The following ZAN variants were observed in gnomAD, a reference collection of about 807,000 sequenced individuals.
ZAN encodes zonadhesin.
In ZAN, 260 loss-of-function variants were observed where a neutral mutation model predicts 286.2. The observed-to-expected ratio is 0.91, with a 90% CI of 0.82 to 1.01. The LOEUF (loss-of-function observed/expected upper bound fraction) is 1.01. Ranked by LOEUF, ZAN falls within the 50% of genes least tolerant of loss-of-function variation. ZAN has a pLI of 0.00. For missense variants in ZAN, 3,410 were observed against 3,639.2 expected (o/e 0.94, Z 1.62); for synonymous variants, 1,368 against 1,417.5 (o/e 0.97, Z 0.79).
At chr7:100,756,382 T>C (rs1159977585) in intron 15 of ZAN, among the ~76,000 whole-genome samples, 12 of 151,894 alleles carry the variant, frequency 7.9e-5, no homozygotes, top group Non-Finnish European at 1.8e-4. Flanking sequence ...TGAGCTATGA[T>C]TGTGCCACTG....
Position 100,775,444 on chromosome 7 carries a change from G to C in ZAN, c.5896G>C (p.Ala1966Pro), listed in dbSNP as rs1460248570. ...VLVKVCHPAMALPFFKISAKH... is the reference protein window; with the variant it reads ...VLVKVCHPAMPLPFFKISAKH... The stretch of plus-strand genomic sequence containing the variant: ...GGTGAAAGTGTGCCACCCCGCCATG[G>C]CCTTGCCCTTCTTCAAGATCAGTGC... Residue 1966 changes from alanine to proline, a missense_variant, in exon 32 of 48, where the codon GCC becomes CCC. Coordinates refer to ENST00000613979, the MANE Select transcript of ZAN (RefSeq NM_003386.3). 1 of 1,613,788 alleles carries C rather than the reference G, an allele frequency of 6.2e-7. No homozygotes were observed. Among genetic ancestry groups the C allele is most frequent in the Non-Finnish European group, 8.5e-7 (1 of 1,179,896 alleles).
At chr7:100,781,813 T>C (rs890229501) in intron 35 of ZAN, among the ~76,000 whole-genome samples, 2 of 152,056 alleles carry the variant, frequency 1.3e-5, no homozygotes, top group African/African-American at 2.4e-5. Context: ...CTAATTTTTG[T>C]ATTTTTAGTA....
At chr7:100,760,581 C>T in intron 19 of ZAN, 45 bp downstream of exon 19, 2 of 1,602,148 alleles carry the variant, frequency 1.2e-6, no homozygotes, top group South Asian at 1.1e-5. Flanking sequence ...CTTCCTGCTG[C>T]CTCTTCCTGC....
In ZAN at chr7:100,734,281, T is replaced by C. The variant is rs1271248406; in HGVS notation, c.53+60T>C. The C allele has an allele frequency of 2.5e-5, 30 of 1,194,976 alleles. 4 individuals are homozygous for C. The Admixed American group carries it at 3.8e-4, about 15-fold the overall frequency. The allele number at this position is 1,194,976 out of a possible 1,614,324, so 74.0% of individuals were successfully genotyped here. A position where few individuals can be genotyped will look rare whatever the true frequency, so the allele number is the denominator to read the frequency against. On this transcript the variant is annotated intron_variant, in intron 2 of 47. Transcript: ENST00000613979. ...GTCAGCTGAGGGTGGCTGTAAGGAA[T>C]ATGGAAGGACAGAGCTGGAGGGGGC...
Position 100,767,182 on chromosome 7 carries a change from G to T in ZAN, c.4785G>T (p.Glu1595Asp). The T allele has an allele frequency of 6.2e-7, 1 of 1,613,702 alleles. No individual in the cohort carries two copies. Among genetic ancestry groups the T allele is most frequent in the Non-Finnish European group, 8.5e-7 (1 of 1,179,868 alleles). Residue 1595 changes from glutamate (E) to aspartate (D), a missense_variant, in exon 25 of 48, where the codon GAG becomes GAT. Transcript: ENST00000613979. The stretch of plus-strand genomic sequence containing the variant: ...ACGAGAACCGCGGGGGGATCCTGGA[G>T]GTCTCCTACATCAAAGCCGTCCACG... ...ATNENRGGIL[E>D]VSYIKAVHVT...
chr7:100,787,147 C>A (rs1001646113), intron 37 of ZAN, among the ~76,000 whole-genome samples: 1 of 151,528 alleles, frequency 6.6e-6, no homozygotes, highest in Non-Finnish European at 1.5e-5. Flanking sequence ...AGGTACCGGG[C>A]TTGGTGGCTT....
chr7:100,784,855 G>C, intron 36 of ZAN, 21 bp downstream of exon 36: 3 of 1,563,336 alleles, frequency 1.9e-6, no homozygotes, highest in Non-Finnish European at 2.6e-6. Context: ...ATGGGAAATG[G>C]GACTGGAGGC....
chr7:100,769,009 C>T (rs1489974519), intron 27 of ZAN, among the ~76,000 whole-genome samples: 1 of 152,108 alleles, frequency 6.6e-6, no homozygotes, highest in African/African-American at 2.4e-5. Flanking sequence ...CTTCCTGCTG[C>T]ATCTCCTTGC....
Position 100,760,457 on chromosome 7 carries a change from C to A in ZAN, c.3763C>A (p.Arg1255=). 1 of 1,613,902 alleles carries A rather than the reference C, an allele frequency of 6.2e-7. No individual in the cohort carries two copies. The highest frequency in any genetic ancestry group is 1.7e-5 in the Admixed American group (1 of 59,992). ...AGGCGTCTTCCTGGGTGCAAGCGGG[C>A]GGTTTGTGGAGCTGCAGACGGAGTT... ...SKGVFLGASG[R]FVELQTEFGL... is the part of the protein sequence containing the mutation. Residue 1255 remains arginine (R), a synonymous_variant, in exon 19 of 48, where the codon CGG becomes AGG. Transcript: ENST00000613979.
Position 100,742,609 on chromosome 7 carries a change from AATCCCGGCACCTCGGG to A in ZAN, c.767-3927_767-3912del, listed in dbSNP as rs1413396953. On this transcript the variant is annotated intron_variant, in intron 7 of 47. Coordinates refer to ENST00000613979, the MANE Select transcript of ZAN (RefSeq NM_003386.3). ...ACTGAGTGAACGAGACTCCGTCTGC[AATCCCGGCACCTCGGG>A]AGGCCGAGGTTGGCGGATCACTCGC... Among the ~76,000 whole-genome samples the A allele has an allele frequency of 7.2e-5, 5 of 69,452 alleles. 1 individual carries two copies. In the East Asian group the frequency reaches 1.3e-3, roughly 17 times the overall value. The allele number at this position is 69,452 out of a possible 152,430, so 45.6% of individuals were successfully genotyped here.
intron 2 of ZAN, 80 bp downstream of exon 2, chr7:100,734,301 G>A: frequency 1.9e-6 from 2 of 1,044,264 alleles, no homozygotes; most frequent in Non-Finnish European, 2.7e-6. Flanking sequence ...CAGAGCTGGA[G>A]GGGGCGAGCA....
chr7:100,794,135 C>T lies in ZAN; in HGVS notation c.8002C>T (p.Leu2668=). 1 of 1,614,052 alleles carries T rather than the reference C, an allele frequency of 6.2e-7. No individual in the cohort carries two copies. The highest frequency in any genetic ancestry group is 8.5e-7 in the Non-Finnish European group (1 of 1,179,894). ...CCCTTTCTAGCTGGGCAGCAGCTTT[C>T]TGACTGAGGACTGCTCTCAGCGGTG... ...GIYYQLGSSF[L]TEDCSQRCTC... is the part of the protein sequence containing the mutation. Residue 2668 remains leucine, a synonymous_variant, in exon 44 of 48, where the codon CTG becomes TTG. Transcript: ENST00000613979.
At chr7:100,790,532 A>G (rs1453190272) in intron 39 of ZAN, among the ~76,000 whole-genome samples, 1 of 149,250 alleles carries the variant, frequency 6.7e-6, no homozygotes, top group Non-Finnish European at 1.5e-5. Flanking sequence ...GCTGCACTCC[A>G]GCCTGGGCAA....
At chr7:100,792,537 C>G in intron 42 of ZAN, 58 bp downstream of exon 42, 1 of 1,607,444 alleles carries the variant, frequency 6.2e-7, no homozygotes, top group Non-Finnish European at 8.5e-7. Context: ...GGGACCGCAC[C>G]CTCTGCGGTG....
At position 100,773,458 on chromosome 7, in the gene ZAN, T is replaced by G; in HGVS notation, c.5599T>G (p.Cys1867Gly). ...SGTSCVPLGQ[C>G]GCTDPAGSYH... ...AACCTCCTGCGTGCCCCTTGGCCAGTGTGGCTGCACTGACCCAGCGGGCTC... is the reference window on the plus strand; with the variant it reads ...AACCTCCTGCGTGCCCCTTGGCCAGGGTGGCTGCACTGACCCAGCGGGCTC... Residue 1867 changes from cysteine (C) to glycine (G), a missense_variant, in exon 30 of 48, where the codon TGT becomes GGT. By Grantham distance (159) the Cys-to-Gly change is radical. Transcript: ENST00000613979. 1 of 1,613,854 alleles carries G rather than the reference T, an allele frequency of 6.2e-7. No homozygotes were observed.
chr7:100,755,659 C>A (rs377044445), intron 15 of ZAN, among the ~76,000 whole-genome samples: 7 of 152,176 alleles, frequency 4.6e-5, no homozygotes, highest in East Asian at 3.9e-4. Context: ...GCAGCCTCCA[C>A]TTCCCGGGCT....
chr7:100,748,261 G>A lies in ZAN; in HGVS notation c.1102+46G>A, dbSNP rs755287997. 6 of 1,613,844 alleles carry A rather than the reference G, an allele frequency of 3.7e-6. No homozygotes were observed. The South Asian group carries it at 6.6e-5, about 18-fold the overall frequency. On this transcript the variant is annotated intron_variant, in intron 10 of 47. Transcript: ENST00000613979. ...GCCCGGATCTCTCAGAATCCGGGGT[G>A]GGCTGGGGGAGGGCTGGAGAGCGTC...
chr7:100,792,750 C>T (rs1584637563), intron 42 of ZAN, among the ~76,000 whole-genome samples: 1 of 151,970 alleles, frequency 6.6e-6, no homozygotes, highest in Non-Finnish European at 1.5e-5. Context: ...AACCCCATCC[C>T]GCATCCCGCT....
chr7:100,761,250 G>A (rs1809556429), intron 19 of ZAN, among the ~76,000 whole-genome samples: 1 of 152,126 alleles, frequency 6.6e-6, no homozygotes, highest in South Asian at 2.1e-4. Context: ...CCCGCCTGTA[G>A]CCCTGAACTT....
Sources: allele counts gnomAD v4.1 joint callset (sites outside exome capture counted in the v4.1 genomes callset), GRCh38; gene constraint gnomAD v4.1.1; transcripts MANE v1.5; gene names NCBI Gene and HGNC (gene_info 2026-07-23, HGNC 2026-07-21).